The following PREX2 variants were observed in gnomAD, a reference collection of about 807,000 sequenced individuals.
PREX2 encodes the protein phosphatidylinositol 3,4,5-trisphosphate-dependent Rac exchanger 2 protein.
Under a neutral mutation model 203.2 loss-of-function variants are expected in PREX2, and 107 were observed. The ratio of observed to expected loss-of-function variants is 0.53; its 90% CI spans 0.45 to 0.62. The LOEUF is 0.62. Among genes scored for constraint, PREX2 ranks in the 20% least tolerant of loss-of-function variants. The pLI, the probability that PREX2 is intolerant of heterozygous loss-of-function variation, is 0.00. For missense variants in PREX2, 1,777 were observed against 1,955.9 expected, an observed-to-expected ratio of 0.91 and a Z score of 1.72; for synonymous variants, 672 against 663.6, an observed-to-expected ratio of 1.01 and a Z score of -0.19.
chr8:68,224,713 G>C lies in PREX2; in HGVS notation c.4775+87G>C, dbSNP rs188735376. 8.1e-6 allele frequency: 8 copies of C among 982,744 alleles called. No individual in the cohort carries two copies. The African/African-American group carries it at 1.1e-4, about 14-fold the overall frequency. 60.9% of individuals were successfully genotyped at this position (982,744 alleles called of 1,614,324 possible). On this transcript the variant is annotated intron_variant, in intron 39 of 39. Transcript: ENST00000288368. The stretch of plus-strand genomic sequence containing the variant: ...TCCCTCCGCTAATGCAACTGATCTA[G>C]GATGTGCCCCGTGTCGTACTGATTG...
At chr8:68,120,780 A>C in intron 29 of PREX2, 141 bp from the exon 30 acceptor site, 1 of 676,272 alleles carries the variant, frequency 1.5e-6, no homozygotes, top group Non-Finnish European at 2.4e-6. Flanking sequence ...CATTTAACGG[A>C]TTTTCTGATG....
chr8:67,984,134 T>G (rs1389492797), intron 1 of PREX2, among the ~76,000 whole-genome samples: 1 of 152,198 alleles, frequency 6.6e-6, no homozygotes, highest in African/African-American at 2.4e-5. Context: ...AGTAAAGCTT[T>G]TCCACATCAC....
At chr8:68,152,342 A>G (rs1416653615) in intron 34 of PREX2, among the ~76,000 whole-genome samples, 2 of 149,436 alleles carry the variant, frequency 1.3e-5, no homozygotes, top group East Asian at 2.0e-4. Flanking sequence ...TTTGGGTTTT[A>G]CACAATATTT....
intron 8 of PREX2, among the ~76,000 whole-genome samples, chr8:68,049,173 A>T (rs563424098): frequency 6.9e-6 from 1 of 143,932 alleles, no homozygotes; most frequent in South Asian, 2.2e-4. Flanking sequence ...GGGATGCTGG[A>T]AATTTTTCTT....
chr8:67,953,172 TCCCCCCC>T lies in PREX2; in HGVS notation c.141+638_141+644del, dbSNP rs1805402979. On this transcript the variant is annotated intron_variant, in intron 1 of 39. Transcript: ENST00000288368. ...ACCCTGTCCTAGTCTTACAATTCCC[TCCCCCCC>T]GCCCCCCGCCCCGGCTTAAATCTGT... Among the ~76,000 whole-genome samples, 4 of 61,066 alleles carry T rather than the reference TCCCCCCC, an allele frequency of 6.6e-5. No homozygotes were observed. The South Asian group carries it at 3.6e-3, about 54-fold the overall frequency. The allele number at this position is 61,066 out of a possible 152,430, so 40.1% of individuals were successfully genotyped here. A position where few individuals can be genotyped will look rare whatever the true frequency, so the allele number is the denominator to read the frequency against.
At chr8:68,121,072 A>G (rs780865749) in intron 30 of PREX2, 23 bp downstream of exon 30, 50 of 1,610,006 alleles carry the variant, frequency 3.1e-5, no homozygotes, top group Non-Finnish European at 4.1e-5. Context: ...AGCAAAGAAC[A>G]TTGCATGATA....
intron 37 of PREX2, among the ~76,000 whole-genome samples, chr8:68,214,653 A>C (rs1318428971): frequency 2.0e-5 from 3 of 152,194 alleles, no homozygotes; most frequent in African/African-American, 7.2e-5. Flanking sequence ...GATTTTTTCC[A>C]CTTGACATTC....
intron 6 of PREX2, among the ~76,000 whole-genome samples, chr8:68,033,971 G>C (rs10504416): frequency 0.1 from 15,538 of 152,132 alleles, 841 homozygotes; most frequent in Middle Eastern, 0.13. Context: ...CTGAAAACAG[G>C]CAGCTTGATT....
intron 35 of PREX2, 56 bp from the exon 36 acceptor site, chr8:68,191,666 G>A (rs1812297164): frequency 3.3e-6 from 4 of 1,199,674 alleles, no homozygotes; most frequent in Non-Finnish European, 4.9e-6. Context: ...ACATCTTCAT[G>A]CATATTATGT....
intron 3 of PREX2, among the ~76,000 whole-genome samples, chr8:68,020,999 G>A (rs866377927): frequency 3.3e-5 from 5 of 151,990 alleles, no homozygotes; most frequent in African/African-American, 7.3e-5. Flanking sequence ...TTCAATGGGC[G>A]CACTTTTGTT....
At chr8:67,986,517 A>G (rs1043666161) in intron 1 of PREX2, among the ~76,000 whole-genome samples, 3 of 152,328 alleles carry the variant, frequency 2.0e-5, no homozygotes, top group African/African-American at 4.8e-5. Flanking sequence ...CTTGCTTGCT[A>G]CATGTAGACA....
intron 19 of PREX2, among the ~76,000 whole-genome samples, chr8:68,089,519 C>T (rs1321739388): frequency 1.3e-5 from 2 of 152,150 alleles, no homozygotes; most frequent in Non-Finnish European, 2.9e-5. Context: ...ATTCTAAGCT[C>T]ACACAAACAG....
intron 1 of PREX2, among the ~76,000 whole-genome samples, chr8:67,988,150 A>T (rs1399567011): frequency 1.3e-5 from 2 of 152,162 alleles, no homozygotes; most frequent in Non-Finnish European, 2.9e-5. Flanking sequence ...TAGTTTTTAA[A>T]ATATGCCAGA....
chr8:68,218,258 A>C (rs1812883716), intron 38 of PREX2, among the ~76,000 whole-genome samples: 1 of 152,206 alleles, frequency 6.6e-6, no homozygotes, highest in South Asian at 2.1e-4. Context: ...TGGAGTACTT[A>C]TAGGCGAGAA....
chr8:67,960,331 G>T (rs564222091), intron 1 of PREX2, among the ~76,000 whole-genome samples: 2 of 152,032 alleles, frequency 1.3e-5, no homozygotes, highest in African/African-American at 4.8e-5. Context: ...CGTGAGCCAC[G>T]GTGCCCGGCC....
intron 37 of PREX2, among the ~76,000 whole-genome samples, chr8:68,195,981 G>T (rs911324480): frequency 1.3e-5 from 2 of 152,172 alleles, no homozygotes; most frequent in Admixed American, 1.3e-4. Context: ...GAATCAGATG[G>T]CAGAGCTACA....
intron 33 of PREX2, among the ~76,000 whole-genome samples, chr8:68,142,747 T>C (rs971976407): frequency 6.6e-6 from 1 of 152,098 alleles, no homozygotes; most frequent in African/African-American, 2.4e-5. Context: ...TGGTGAGAAA[T>C]ACAAAGGCAT....
rs578080500 is a variant in PREX2, at chr8:68,235,287, T to A, written c.*3909T>A. Reference sequence around the variant, plus strand: ...TTACATTTTACTTTAAAGGTCGTTTTTAGACTTTATGCACTAGTGGTATTG... The same window carrying A: ...TTACATTTTACTTTAAAGGTCGTTTATAGACTTTATGCACTAGTGGTATTG... On this transcript the variant is annotated 3_prime_UTR_variant, in exon 40 of 40. Transcript: ENST00000288368. 1 of 152,292 alleles carries A rather than the reference T, an allele frequency of 6.6e-6. No homozygotes were observed. The highest frequency in any genetic ancestry group is 2.4e-5 in the African/African-American group (1 of 41,570). 9.4% of individuals were successfully genotyped at this position (152,292 alleles called of 1,614,324 possible). A position where few individuals can be genotyped will look rare whatever the true frequency, so the allele number is the denominator to read the frequency against.
intron 37 of PREX2, among the ~76,000 whole-genome samples, chr8:68,202,083 G>A (rs533010004): frequency 5.3e-5 from 8 of 150,694 alleles, no homozygotes; most frequent in South Asian, 2.1e-4. Context: ...TGTATTTTTC[G>A]TAGAGACAGG....
Sources: allele counts gnomAD v4.1 joint callset (sites outside exome capture counted in the v4.1 genomes callset), GRCh38; gene constraint gnomAD v4.1.1; transcripts MANE v1.5; gene names NCBI Gene and HGNC (gene_info 2026-07-23, HGNC 2026-07-21).